The following IQSEC1 variants were observed in gnomAD, a reference collection of about 807,000 sequenced individuals.
The protein encoded by IQSEC1 is IQ motif and Sec7 domain ArfGEF 1.
A neutral mutation model predicts 91.0 loss-of-function variants in IQSEC1; 31 were observed. That is an observed-to-expected ratio of 0.34 (90% CI 0.26 to 0.46). The LOEUF (loss-of-function observed/expected upper bound fraction) is 0.46, where lower values mean the gene tolerates loss of function less well. Ranked by LOEUF, IQSEC1 falls within the 20% of genes least tolerant of loss-of-function variation. The pLI is 1.00. For synonymous variants in IQSEC1, 699 were observed against 662.6 expected (o/e 1.05, Z -0.84); for missense variants, 1,388 against 1,575.6 (o/e 0.88, Z 2.02).
intron 2 of IQSEC1, among the ~76,000 whole-genome samples, chr3:13,091,655 G>C (rs953609540): frequency 4.6e-5 from 7 of 152,348 alleles, no homozygotes; most frequent in Admixed American, 4.6e-4. Context: ...CGACTTGGCT[G>C]TGCCTCAGCC....
At chr3:13,116,538 A>G (rs533099162) in intron 2 of IQSEC1, among the ~76,000 whole-genome samples, 3 of 152,192 alleles carry the variant, frequency 2.0e-5, no homozygotes, top group Non-Finnish European at 4.4e-5. Flanking sequence ...TGGTGCTGTG[A>G]TAACTGCACA....
At position 13,282,408 on chromosome 3, in the gene IQSEC1, G is replaced by T. The variant is rs945993214; in HGVS notation, c.272+303C>A. ...TCCGCCCGGCTCGTCCGAGCCCCGG[G>T]GGTCGCCAACCCTGAGTCCGCGCCG... On this transcript the variant is annotated intron_variant, in intron 1 of 15. Coordinates refer to the IQSEC1 transcript ENST00000648114. This position sits in a 1 kb window ranked among gnomAD's most constrained non-coding sequence, Gnocchi z 6.4. 6.6e-6 allele frequency among the ~76,000 whole-genome samples: 1 copy of T among 152,010 alleles called. No individual in the cohort carries two copies. The highest frequency in any genetic ancestry group is 6.5e-5 in the Admixed American group (1 of 15,280).
intron 2 of IQSEC1, among the ~76,000 whole-genome samples, chr3:13,142,209 C>T (rs931816429): frequency 6.6e-6 from 1 of 152,226 alleles, no homozygotes; most frequent in Non-Finnish European, 1.5e-5. Context: ...TATGTCAGAG[C>T]GCAGCGGGCT....
chr3:12,905,935 A>G (rs929213212), intron 12 of IQSEC1, among the ~76,000 whole-genome samples: 1 of 152,168 alleles, frequency 6.6e-6, no homozygotes, highest in Non-Finnish European at 1.5e-5. Flanking sequence ...GTGCCGCTGG[A>G]ATGAGCACCG....
At chr3:13,178,747 A>G (rs1693783061) in intron 1 of IQSEC1, among the ~76,000 whole-genome samples, 1 of 152,262 alleles carries the variant, frequency 6.6e-6, no homozygotes, top group Admixed American at 6.5e-5. Flanking sequence ...TGCTAAAATT[A>G]ATGACATTCC....
intron 1 of IQSEC1, among the ~76,000 whole-genome samples, chr3:13,016,969 A>T (rs557989194): frequency 1.3e-5 from 2 of 152,296 alleles, no homozygotes; most frequent in African/African-American, 4.8e-5. Flanking sequence ...TAGAAACGGG[A>T]CCATACGCTC....
At chr3:13,043,192 C>A (rs1474231403) in intron 1 of IQSEC1, among the ~76,000 whole-genome samples, 1 of 152,206 alleles carries the variant, frequency 6.6e-6, no homozygotes, top group Non-Finnish European at 1.5e-5. Flanking sequence ...CCACAGACAA[C>A]CAGGCGCATT....
In IQSEC1 at chr3:13,103,137, C is replaced by T. The variant is rs1706092445; in HGVS notation, c.303-55615G>A. On this transcript the variant is annotated intron_variant, in intron 2 of 15. Transcript: ENST00000648114. This position sits in a 1 kb window ranked among gnomAD's most constrained non-coding sequence, Gnocchi z 4.1. ...CCCAGGGCTCTGCCCCAGCCCCTCC[C>T]TGGCCCATGTCCCCGGCTGGCCCCA... Among the ~76,000 whole-genome samples the T allele has an allele frequency of 6.6e-6, 1 of 152,102 alleles. No individual in the cohort carries two copies. The highest frequency in any genetic ancestry group is 1.5e-5 in the Non-Finnish European group (1 of 68,004).
At chr3:13,017,256 T>C (rs1222867383) in intron 1 of IQSEC1, among the ~76,000 whole-genome samples, 1 of 152,218 alleles carries the variant, frequency 6.6e-6, no homozygotes, top group Non-Finnish European at 1.5e-5. Flanking sequence ...TCTTCATTTG[T>C]TTATTTTCTC....
intron 1 of IQSEC1, among the ~76,000 whole-genome samples, chr3:13,031,300 G>A (rs1433184973): frequency 1.3e-5 from 2 of 152,228 alleles, no homozygotes; most frequent in African/African-American, 4.8e-5. Context: ...AAGCCTGGGG[G>A]CAGGGACAGG....
intron 2 of IQSEC1, among the ~76,000 whole-genome samples, chr3:13,095,794 G>C (rs773477806): frequency 1.3e-5 from 2 of 152,186 alleles, no homozygotes; most frequent in Non-Finnish European, 2.9e-5. Flanking sequence ...GGAGCGGGCG[G>C]GGCAGCTTTT....
chr3:13,123,220 A>G (rs957180005), intron 2 of IQSEC1, among the ~76,000 whole-genome samples: 3 of 152,280 alleles, frequency 2.0e-5, no homozygotes, highest in Non-Finnish European at 2.9e-5. Context: ...ATTACCAGGC[A>G]GTAATGAACA....
intron 6 of IQSEC1, among the ~76,000 whole-genome samples, chr3:12,916,318 G>C (rs1330256396): frequency 6.6e-6 from 1 of 152,208 alleles, no homozygotes; most frequent in East Asian, 1.9e-4. Flanking sequence ...GAGTGCTGCA[G>C]TGGTTGCTGT....
In IQSEC1 at chr3:13,007,915, C is replaced by T. The variant is rs559292578; in HGVS notation, c.23+65077G>A. On this transcript the variant is annotated intron_variant, in intron 1 of 13. Transcript: ENST00000613206. ...CTTACCAATGGAGCCCACCCTTCCC[C>T]GGAGCAAGGTCACAGAATCCCCTGT... Among the ~76,000 whole-genome samples the T allele has an allele frequency of 3.3e-5, 5 of 152,272 alleles. No individual in the cohort carries two copies. The South Asian group carries it at 6.2e-4, about 19-fold the overall frequency.
At chr3:13,136,620 ATTTCCG>A (rs1706715326) in intron 2 of IQSEC1, among the ~76,000 whole-genome samples, 1 of 152,208 alleles carries the variant, frequency 6.6e-6, no homozygotes, top group Non-Finnish European at 1.5e-5. Context: ...CTAATCGGGC[ATTTCCG>A]AGAGGAGGAA....
At chr3:13,015,701 G>A (rs1243664167) in intron 1 of IQSEC1, 2 of 985,254 alleles carry the variant, frequency 2.0e-6, no homozygotes, top group Admixed American at 6.1e-5. Flanking sequence ...CTTCCTCCCT[G>A]CTCAGTCGGC....
intron 2 of IQSEC1, among the ~76,000 whole-genome samples, chr3:13,108,015 C>CA (rs1364023062): frequency 2.9e-5 from 4 of 136,298 alleles, no homozygotes; most frequent in East Asian, 2.3e-4. Flanking sequence ...ACCTAGCAAA[C>CA]AAAAAAATTA....
At position 13,249,167 on chromosome 3, in the gene IQSEC1, CTTTTTTTT is replaced by C. The variant is rs60976247; in HGVS notation, c.272+33536_272+33543del. Reference sequence around the variant, plus strand: ...AAACTTCCTTTGGGGGAAGGAATTTCTTTTTTTTTTTTTTTTTTTTTTGAGACGGAGTC... The same window carrying C: ...AAACTTCCTTTGGGGGAAGGAATTTCTTTTTTTTTTTTTTGAGACGGAGTC... On this transcript the variant is annotated intron_variant, in intron 1 of 15. Coordinates refer to the IQSEC1 transcript ENST00000648114. Among the ~76,000 whole-genome samples the C allele has an allele frequency of 1.5e-4, 16 of 106,688 alleles. No individual in the cohort carries two copies. In the Admixed American group the frequency reaches 1.5e-3, roughly 10 times the overall value. 70.0% of individuals were successfully genotyped at this position (106,688 alleles called of 152,430 possible).
rs923528857 is a variant in IQSEC1 at position 13,279,858 on chromosome 3, T to A, written c.272+2853A>T. Among the ~76,000 whole-genome samples, 4 of 152,124 alleles carry A rather than the reference T, an allele frequency of 2.6e-5. No homozygotes were observed. In the East Asian group the frequency reaches 7.7e-4, roughly 29 times the overall value. On this transcript the variant is annotated intron_variant, in intron 1 of 15. Transcript: ENST00000648114. The stretch of plus-strand genomic sequence containing the variant: ...CCCTGTCACCTTGGGAAACCCATGC[T>A]CAACCCCCACCTAGCCTCTGGGCAG...
Sources: allele counts gnomAD v4.1 joint callset (sites outside exome capture counted in the v4.1 genomes callset), GRCh38; gene constraint gnomAD v4.1.1; non-coding constraint Gnocchi (gnomAD v3.1); transcripts MANE v1.5; gene names NCBI Gene and HGNC (gene_info 2026-07-23, HGNC 2026-07-21).